The following GLT8D1 variants were observed in gnomAD, a reference collection of about 807,000 sequenced individuals.
GLT8D1 encodes the protein glycosyltransferase 8 domain-containing protein 1.
Under a neutral mutation model 46.2 loss-of-function variants are expected in GLT8D1, and 41 were observed. The ratio of observed to expected loss-of-function variants is 0.89; its 90% CI spans 0.69 to 1.15. The LOEUF is 1.15. Ranked by LOEUF, GLT8D1 falls within the 50% of genes most tolerant of loss-of-function variation. The pLI is 0.00. For missense variants in GLT8D1, 408 were observed against 449.3 expected (o/e 0.91, Z 0.83); for synonymous variants, 150 against 154.2 (o/e 0.97, Z 0.20).
chr3:52,701,078 TACATA>T (rs1340582474), intron 1 of GLT8D1: 1 of 152,078 alleles, frequency 6.6e-6, no homozygotes, highest in African/African-American at 2.4e-5. Context: ...AATAAAAAAT[TACATA>T]ACATAATTAA....
chr3:52,700,508 A>C lies in GLT8D1; in HGVS notation c.-36-12T>G, dbSNP rs1321197068. The C allele has an allele frequency of 7.3e-7, 1 of 1,371,534 alleles. No homozygotes were observed. Among genetic ancestry groups the C allele is most frequent in the South Asian group, 1.2e-5 (1 of 83,120 alleles). The allele number at this position is 1,371,534 out of a possible 1,614,324, so 85.0% of individuals were successfully genotyped here. A position where few individuals can be genotyped will look rare whatever the true frequency, so the allele number is the denominator to read the frequency against. On this transcript the variant is annotated splice_polypyrimidine_tract_variant and intron_variant, in intron 1 of 9. Transcript: ENST00000266014. ...ATTAGTTTTTAACCCTACAAAACAA[A>C]AACAAGCCCCCAAAGTCAGTAAGCA...
chr3:52,704,495 GAT>G (rs1363887504), intron 1 of GLT8D1, among the ~76,000 whole-genome samples: 12 of 144,798 alleles, frequency 8.3e-5, no homozygotes, highest in African/African-American at 3.1e-4. Context: ...ACCACACAGA[GAT>G]ATATCTATTT....
At position 52,700,174 on chromosome 3, in the gene GLT8D1, C is replaced by T. The variant is rs561737340; in HGVS notation, c.115+88G>A. ...CCTTAACAAACAACTGCTAGTACTA[C>T]CGGAAGAAGAACAACTTAGGATGTG... On this transcript the variant is annotated intron_variant, in intron 3 of 9. Coordinates refer to ENST00000266014, the MANE Select transcript of GLT8D1 (RefSeq NM_018446.4). The T allele has an allele frequency of 8.8e-6, 7 of 798,814 alleles. No homozygotes were observed. In the East Asian group the frequency reaches 9.8e-5, roughly 11 times the overall value. The allele number at this position is 798,814 out of a possible 1,614,324, so 49.5% of individuals were successfully genotyped here.
At chr3:52,696,163 G>T in intron 6 of GLT8D1, 71 bp downstream of exon 6, 1 of 1,209,770 alleles carries the variant, frequency 8.3e-7, no homozygotes, top group Non-Finnish European at 1.2e-6. Context: ...GCCCACTGTA[G>T]CCCATTGTTT....
chr3:52,700,587 G>A, intron 1 of GLT8D1, 91 bp from the exon 2 acceptor site: 2 of 593,272 alleles, frequency 3.4e-6, no homozygotes, highest in South Asian at 4.5e-5. Context: ...TTTAATTCAG[G>A]AAGAAACAAG....
Position 52,700,271 on chromosome 3 carries a change from C to T in GLT8D1, c.106G>A (p.Glu36Lys). 1 of 1,608,844 alleles carries T rather than the reference C, an allele frequency of 6.2e-7. No homozygotes were observed. Among genetic ancestry groups the T allele is most frequent in the Non-Finnish European group, 8.5e-7 (1 of 1,175,596 alleles). The change falls in exon 3 of 10, where the codon GAG becomes AAG. Residue 36 changes from glutamate to lysine, a missense_variant. Physicochemically the swap from Glu to Lys is moderately conservative, Grantham distance 56. Coordinates refer to ENST00000266014, the MANE Select transcript of GLT8D1 (RefSeq NM_018446.4). ...ATAAGTGCTCGCATACCTGTAACCT[C>T]ATTCCTTAACAAACTGCTCAAGCTG... is the stretch of plus-strand genomic sequence containing the variant. Reference protein sequence around the residue: ...FLSLSSLLRNEVTDSGIVGPQ... With the variant: ...FLSLSSLLRNKVTDSGIVGPQ...
chr3:52,704,454 G>T (rs1442684427), intron 1 of GLT8D1, among the ~76,000 whole-genome samples: 2 of 88,140 alleles, frequency 2.3e-5, no homozygotes, highest in African/African-American at 4.9e-5. Flanking sequence ...GCGAGTCTTC[G>T]CCTCAAAAAA....
In GLT8D1 at chr3:52,696,603, T is replaced by C; in HGVS notation, c.386A>G (p.Asp129Gly). ...TACTTTTCCTTCCAAAAGTTTAGGG[T>C]CAAAATTGACAATTTTGTATCTGAT... ...KSIRYKIVNF[D>G]PKLLEGKVKE... is the part of the protein sequence containing the mutation. The change falls in exon 5 of 10, where the codon GAC (aspartate) becomes GGC (glycine). Residue 129 changes from aspartate to glycine, a missense_variant. Transcript: ENST00000266014. 1 of 1,612,234 alleles carries C rather than the reference T, an allele frequency of 6.2e-7. No homozygotes were observed. Among genetic ancestry groups the C allele is most frequent in the South Asian group, 1.1e-5 (1 of 91,032 alleles).
chr3:52,694,697 C>A lies in GLT8D1; in HGVS notation c.*148G>T. 1.5e-6 allele frequency: 1 copy of A among 685,046 alleles called. No individual in the cohort carries two copies. The allele number at this position is 685,046 out of a possible 1,614,324, so 42.4% of individuals were successfully genotyped here. ...TCTGTCTGGGAAGCTGACTGCCAGA[C>A]AGGGCAGTTTGTCATCTTTACCTAG... On this transcript the variant is annotated 3_prime_UTR_variant, in exon 10 of 10. Transcript: ENST00000266014.
At chr3:52,697,495 G>A (rs1435615111) in intron 4 of GLT8D1, 1 of 554,182 alleles carries the variant, frequency 1.8e-6, no homozygotes, top group African/African-American at 1.9e-5. Flanking sequence ...AGTTCAGAGT[G>A]ACAGCTGACT....
rs745397707 is a variant in GLT8D1 at position 52,696,610 on chromosome 3, T to A, written c.379A>T (p.Asn127Tyr). The change falls in exon 5 of 10, where the codon AAT becomes TAT. Residue 127 changes from asparagine (N) to tyrosine (Y), a missense_variant. Physicochemically the swap from Asn to Tyr is moderately radical, Grantham distance 143. Coordinates refer to ENST00000266014, the MANE Select transcript of GLT8D1 (RefSeq NM_018446.4). ...SLKSIRYKIV[N>Y]FDPKLLEGKV... ...CCTTCCAAAAGTTTAGGGTCAAAATTGACAATTTTGTATCTGATGCTTTTC... is the reference window on the plus strand; with the variant it reads ...CCTTCCAAAAGTTTAGGGTCAAAATAGACAATTTTGTATCTGATGCTTTTC... The A allele has an allele frequency of 1.2e-5, 19 of 1,611,504 alleles. No homozygotes were observed. The highest frequency in any genetic ancestry group is 1.5e-5 in the Non-Finnish European group (18 of 1,177,622).
intron 9 of GLT8D1, 63 bp downstream of exon 9, chr3:52,695,127 C>T: frequency 1.4e-6 from 2 of 1,433,508 alleles, no homozygotes; most frequent in Non-Finnish European, 2.0e-6. Flanking sequence ...TACCCCATCC[C>T]TGAGGATAGT....
rs1185291987 is a variant in GLT8D1, at chr3:52,697,823, C to T, written c.227G>A (p.Arg76Lys). 6.2e-7 allele frequency: 1 copy of T among 1,613,788 alleles called. No individual in the cohort carries two copies. The highest frequency in any genetic ancestry group is 8.5e-7 in the Non-Finnish European group (1 of 1,179,670). Residue 76 changes from arginine (R) to lysine (K), a missense_variant, in exon 4 of 10, where the codon AGG (arginine) becomes AAG (lysine). Transcript: ENST00000266014. ...IPVVIAASED[R>K]LGGAIAAINS... Reference sequence around the variant, plus strand: ...TATAGCTGCAATGGCCCCCCCAAGCCTGTCTTCAGATGCAGCGATGACCAC... The same window carrying T: ...TATAGCTGCAATGGCCCCCCCAAGCTTGTCTTCAGATGCAGCGATGACCAC...
chr3:52,705,750 C>A lies in GLT8D1; in HGVS notation c.-340G>T. On this transcript the variant is annotated 5_prime_UTR_variant, in exon 1 of 10. Transcript: ENST00000266014. ...GCAGCCCCACTACGCCCAGCCAGCCCGCAGCGGTAACCGCTAGAGCGTCGC... is the reference window on the plus strand; with the variant it reads ...GCAGCCCCACTACGCCCAGCCAGCCAGCAGCGGTAACCGCTAGAGCGTCGC... The A allele has an allele frequency of 2.0e-6, 2 of 984,990 alleles. No individual in the cohort carries two copies. Among genetic ancestry groups the A allele is most frequent in the Non-Finnish European group, 2.6e-6 (2 of 762,818 alleles). The allele number at this position is 984,990 out of a possible 1,614,324, so 61.0% of individuals were successfully genotyped here.
In GLT8D1 at chr3:52,696,054, G is replaced by C; in HGVS notation, c.533-14C>G. The C allele has an allele frequency of 6.7e-7, 1 of 1,503,392 alleles. No individual in the cohort carries two copies. The highest frequency in any genetic ancestry group is 9.3e-7 in the Non-Finnish European group (1 of 1,079,544). 93.1% of individuals were successfully genotyped at this position (1,503,392 alleles called of 1,614,324 possible). ...CAAGAATATCACCTGAAATAGACAA[G>C]ATGTTAAGATTTACATTTCCGTTGC... On this transcript the variant is annotated splice_polypyrimidine_tract_variant and intron_variant, in intron 6 of 9. Coordinates refer to ENST00000266014, the MANE Select transcript of GLT8D1 (RefSeq NM_018446.4).
chr3:52,701,858 C>T (rs190751661), intron 1 of GLT8D1, among the ~76,000 whole-genome samples: 135 of 152,276 alleles, frequency 8.9e-4, no homozygotes, highest in African/African-American at 3.1e-3. Context: ...AAATAAATTC[C>T]TTCAACAAGC....
intron 1 of GLT8D1, chr3:52,704,837 G>A (rs567649822): frequency 6.6e-6 from 1 of 152,552 alleles, no homozygotes; most frequent in South Asian, 2.1e-4. Flanking sequence ...CCTCTCCCAG[G>A]GCTAATCCAG....
Position 52,700,273 on chromosome 3 carries a change from T to C in GLT8D1, c.104A>G (p.Asn35Ser), listed in dbSNP as rs1003171237. Residue 35 changes from asparagine to serine, a missense_variant, in exon 3 of 10, where the codon AAT (asparagine) becomes AGT (serine). Asn to Ser is a conservative substitution (Grantham distance 46). Coordinates refer to ENST00000266014, the MANE Select transcript of GLT8D1 (RefSeq NM_018446.4). ...AAGTGCTCGCATACCTGTAACCTCA[T>C]TCCTTAACAAACTGCTCAAGCTGAG... ...NFLSLSSLLR[N>S]EVTDSGIVGP... 2.5e-6 allele frequency: 4 copies of C among 1,610,114 alleles called. No homozygotes were observed. Among genetic ancestry groups the C allele is most frequent in the Non-Finnish European group, 3.4e-6 (4 of 1,176,572 alleles).
At chr3:52,695,368 T>A in intron 8 of GLT8D1, 53 bp downstream of exon 8, 1 of 1,585,156 alleles carries the variant, frequency 6.3e-7, no homozygotes, top group Non-Finnish European at 8.7e-7. Flanking sequence ...TAGTCAAGAC[T>A]CTAGGAATTG....
Sources: allele counts gnomAD v4.1 joint callset (sites outside exome capture counted in the v4.1 genomes callset), GRCh38; gene constraint gnomAD v4.1.1; transcripts MANE v1.5; gene names NCBI Gene and HGNC (gene_info 2026-07-23, HGNC 2026-07-21).